The following PPARGC1A variants were observed in gnomAD, a reference collection of about 807,000 sequenced individuals.
The protein encoded by PPARGC1A is PPARG coactivator 1 alpha.
In PPARGC1A, 25 loss-of-function variants were observed where a neutral mutation model predicts 88.7. The observed-to-expected ratio is 0.28, with a 90% CI of 0.21 to 0.39. PPARGC1A has a LOEUF of 0.39. PPARGC1A is among the 10% of genes least tolerant of loss of function. The pLI is 1.00. For synonymous variants in PPARGC1A, 363 were observed against 355.6 expected (o/e 1.02, Z -0.24); for missense variants, 880 against 968.7 (o/e 0.91, Z 1.22).
At chr4:24,436,591 CAGAGCTG>C in the PPARGC1A span, among the ~76,000 whole-genome samples, 1 of 149,074 alleles carries the variant, frequency 6.7e-6, no homozygotes, top group African/African-American at 2.5e-5. Context: ...GCCCGGGTCA[CAGAGCTG>C]ACATCGATTG....
chr4:23,887,047 C>CT (rs1485675766), intron 1 of PPARGC1A, among the ~76,000 whole-genome samples: 8 of 152,304 alleles, frequency 5.3e-5, no homozygotes, highest in African/African-American at 1.9e-4. Context: ...TAACTGCCCT[C>CT]TTTGGCATGA....
At chr4:24,270,129 T>C in the PPARGC1A span, among the ~76,000 whole-genome samples, 1 of 152,156 alleles carries the variant, frequency 6.6e-6, no homozygotes, top group African/African-American at 2.4e-5. Flanking sequence ...AACAAATAGC[T>C]TCTCCTGCCT....
At chr4:24,057,445 C>A in the PPARGC1A span, among the ~76,000 whole-genome samples, 4 of 118,854 alleles carry the variant, frequency 3.4e-5, no homozygotes, top group Admixed American at 8.8e-5. Context: ...TTCAAAAAGG[C>A]TAAGATGGTT....
the PPARGC1A span, among the ~76,000 whole-genome samples, chr4:23,987,451 T>C: frequency 6.6e-6 from 1 of 152,024 alleles, no homozygotes; most frequent in Non-Finnish European, 1.5e-5. Flanking sequence ...CATGCTTTCC[T>C]TGCCTCTGAG....
the PPARGC1A span, among the ~76,000 whole-genome samples, chr4:24,464,041 A>G: frequency 1.3e-5 from 2 of 152,236 alleles, no homozygotes; most frequent in Non-Finnish European, 2.9e-5. Flanking sequence ...ATAAATATAC[A>G]TTCTGGTTGC....
chr4:23,977,273 C>A, the PPARGC1A span, among the ~76,000 whole-genome samples: 1 of 152,196 alleles, frequency 6.6e-6, no homozygotes, highest in Non-Finnish European at 1.5e-5. Context: ...CTAGTTCCCA[C>A]CTTCCTCTGC....
chr4:24,221,963 T>C, the PPARGC1A span, among the ~76,000 whole-genome samples: 1 of 152,166 alleles, frequency 6.6e-6, no homozygotes, highest in Non-Finnish European at 1.5e-5. Flanking sequence ...GGAATGTTAA[T>C]TTTAGCAAGT....
At chr4:24,107,841 G>A in the PPARGC1A span, among the ~76,000 whole-genome samples, 1 of 152,160 alleles carries the variant, frequency 6.6e-6, no homozygotes, top group Non-Finnish European at 1.5e-5. Flanking sequence ...TGGAAACCCA[G>A]GGTGATAGAG....
the PPARGC1A span, among the ~76,000 whole-genome samples, chr4:24,471,571 C>T: frequency 6.6e-6 from 1 of 152,300 alleles, no homozygotes; most frequent in South Asian, 2.1e-4. This position sits in a 1 kb window ranked among gnomAD's most constrained non-coding sequence, Gnocchi z 5.4. Flanking sequence ...TGAGCACATG[C>T]CTGTCTCTCC....
At chr4:24,154,835 T>A in the PPARGC1A span, among the ~76,000 whole-genome samples, 36,260 of 152,160 alleles carry the variant, frequency 0.24, 8,123 homozygotes, top group African/African-American at 0.59. Flanking sequence ...GAAAAATTAA[T>A]TGTCTAAAAA....
chr4:23,931,527 A>G, the PPARGC1A span, among the ~76,000 whole-genome samples: 1 of 152,116 alleles, frequency 6.6e-6, no homozygotes, highest in East Asian at 1.9e-4. Flanking sequence ...ATAGTGAAAA[A>G]GAGGAAGAAA....
the PPARGC1A span, among the ~76,000 whole-genome samples, chr4:23,984,773 G>A: frequency 0.83 from 126,019 of 152,000 alleles, 52,360 homozygotes; most frequent in Non-Finnish European, 0.84. Flanking sequence ...GGGAACTGAA[G>A]TGCAGAGAGT....
chr4:24,359,695 A>G, the PPARGC1A span, among the ~76,000 whole-genome samples: 4 of 152,202 alleles, frequency 2.6e-5, no homozygotes, highest in Admixed American at 2.0e-4. Flanking sequence ...GGAAATTTGG[A>G]TACAGACACA....
the PPARGC1A span, among the ~76,000 whole-genome samples, chr4:23,992,154 T>C: frequency 6.6e-6 from 1 of 152,008 alleles, no homozygotes; most frequent in African/African-American, 2.4e-5. Context: ...TTTCCTTACA[T>C]CTGTCCCATG....
chr4:24,431,145 GA>G, the PPARGC1A span, among the ~76,000 whole-genome samples: 127 of 131,994 alleles, frequency 9.6e-4, 2 homozygotes, highest in East Asian at 0.02. Flanking sequence ...AAAAAAAAGA[GA>G]AAAAAAAAAG....
chr4:24,115,939 C>T, the PPARGC1A span, among the ~76,000 whole-genome samples: 15 of 152,088 alleles, frequency 9.9e-5, no homozygotes, highest in South Asian at 4.2e-4. Flanking sequence ...TAGATTCCAG[C>T]GTTATGGTGA....
chr4:24,366,847 G>A, the PPARGC1A span, among the ~76,000 whole-genome samples: 36 of 152,162 alleles, frequency 2.4e-4, no homozygotes, highest in Non-Finnish European at 2.2e-4. Context: ...AAATAGAAAC[G>A]AGTATTTTCC....
the PPARGC1A span, among the ~76,000 whole-genome samples, chr4:24,021,869 G>C: frequency 6.6e-6 from 1 of 152,170 alleles, no homozygotes; most frequent in Non-Finnish European, 1.5e-5. Flanking sequence ...GAGTAGTGGG[G>C]AGCCCATTAA....
the PPARGC1A span, among the ~76,000 whole-genome samples, chr4:24,452,475 T>C: frequency 6.6e-6 from 1 of 152,204 alleles, no homozygotes; most frequent in Admixed American, 6.5e-5. Context: ...GCACTAGTTA[T>C]AATATGACTT....
Sources: allele counts gnomAD v4.1 joint callset (sites outside exome capture counted in the v4.1 genomes callset), GRCh38; gene constraint gnomAD v4.1.1; non-coding constraint Gnocchi (gnomAD v3.1); transcripts MANE v1.5; gene names NCBI Gene and HGNC (gene_info 2026-07-23, HGNC 2026-07-21).